ANKRD28: variants seen among roughly 807,000 people sequenced by gnomAD.
ANKRD28 encodes the protein serine/threonine-protein phosphatase 6 regulatory ankyrin repeat subunit A.
Under a neutral mutation model 126.5 loss-of-function variants are expected in ANKRD28, and 44 were observed. That is an observed-to-expected ratio of 0.35 (90% CI 0.27 to 0.45). ANKRD28 has a LOEUF of 0.45. Among genes scored for constraint, ANKRD28 ranks in the 20% least tolerant of loss-of-function variants. The pLI, the probability that ANKRD28 is intolerant of heterozygous loss-of-function variation, is 1.00. For synonymous variants in ANKRD28, 442 were observed against 468.5 expected, an observed-to-expected ratio of 0.94 and a Z score of 0.73; for missense variants, 1,110 against 1,316.6, an observed-to-expected ratio of 0.84 and a Z score of 2.43.
chr3:15,671,072 A>G (rs952867625), intron 27 of ANKRD28, among the ~76,000 whole-genome samples: 1 of 152,268 alleles, frequency 6.6e-6, no homozygotes, highest in Non-Finnish European at 1.5e-5. Context: ...TATGTGTTGA[A>G]TGAATGACAC....
rs1190946661 is a variant in ANKRD28, at chr3:15,816,931, C to T, written c.28-21625G>A. Among the ~76,000 whole-genome samples, 1 of 152,158 alleles carries T rather than the reference C, an allele frequency of 6.6e-6. No individual in the cohort carries two copies. The highest frequency in any genetic ancestry group is 1.5e-5 in the Non-Finnish European group (1 of 68,016). Reference sequence around the variant, plus strand: ...GAGGAGGGAGGTAGCCACAGTGGCTCATGCCTGTAATCCCAGCACTTTGGG... The same window carrying T: ...GAGGAGGGAGGTAGCCACAGTGGCTTATGCCTGTAATCCCAGCACTTTGGG... On this transcript the variant is annotated intron_variant, in intron 1 of 27. Transcript: ENST00000399451. The surrounding 1 kb of genome is among the most constrained non-coding windows in gnomAD (Gnocchi z 5.0).
At chr3:15,783,656 T>C (rs1157303205) in intron 2 of ANKRD28, among the ~76,000 whole-genome samples, 1 of 151,990 alleles carries the variant, frequency 6.6e-6, no homozygotes, top group Non-Finnish European at 1.5e-5. Context: ...TGTATATCAT[T>C]ACAATGGAAT....
In ANKRD28 at chr3:15,670,275, A is replaced by G; in HGVS notation, c.3247T>C (p.Tyr1083His). The G allele has an allele frequency of 6.2e-7, 1 of 1,612,666 alleles. No homozygotes were observed. The change falls in exon 28 of 28, where the codon TAC becomes CAC. Residue 1083 changes from tyrosine to histidine, a missense_variant. Tyr to His is a moderately conservative substitution (Grantham distance 83, BLOSUM62 2). Transcript: ENST00000683139. ...DELNDSDSET[Y>H] ...ACTCCCTCCTCCTCAGCCTCTCAGT[A>G]GGTCTCAGAATCGGAGTCGTTGAGC...
At chr3:15,837,333 C>CTTATTCT (rs1345604232) in intron 1 of ANKRD28, among the ~76,000 whole-genome samples, 1 of 152,094 alleles carries the variant, frequency 6.6e-6, no homozygotes, top group African/African-American at 2.4e-5. Flanking sequence ...CTCTGCCCAA[C>CTTATTCT]AGCAGTATAA....
At chr3:15,682,020 C>T (rs536545984) in intron 21 of ANKRD28, among the ~76,000 whole-genome samples, 1 of 152,118 alleles carries the variant, frequency 6.6e-6, no homozygotes, top group East Asian at 1.9e-4. Flanking sequence ...GACTTAAGAG[C>T]CCCTCATTCT....
Position 15,685,382 on chromosome 3 carries a change from G to A in ANKRD28, c.2233C>T (p.Arg745Trp), listed in dbSNP as rs202220330. Residue 745 changes from arginine (R) to tryptophan (W), a missense_variant, in exon 21 of 28, where the codon CGG becomes TGG. By Grantham distance (101) the Arg-to-Trp change is moderately radical. Coordinates refer to ENST00000683139, the MANE Select transcript of ANKRD28 (RefSeq NM_001349278.2). ...ATAGGCGTCCGGCCCCTGCTATCCCGAAGTAAGCACTTAGCACCATGTTGA... is the reference window on the plus strand; with the variant it reads ...ATAGGCGTCCGGCCCCTGCTATCCCAAAGTAAGCACTTAGCACCATGTTGA... Reference protein sequence around the residue: ...LLQHGAKCLLRDSRGRTPIHL... With the variant: ...LLQHGAKCLLWDSRGRTPIHL... 229 of 1,613,948 alleles carry A rather than the reference G, an allele frequency of 1.4e-4. No homozygotes were observed. Among genetic ancestry groups the A allele is most frequent in the Non-Finnish European group, 1.8e-4 (209 of 1,179,866 alleles).
intron 1 of ANKRD28, among the ~76,000 whole-genome samples, chr3:15,822,428 A>G (rs529046758): frequency 6.6e-6 from 1 of 152,382 alleles, no homozygotes; most frequent in African/African-American, 2.4e-5. Flanking sequence ...AATAGTTTTA[A>G]AAGACTCATT....
chr3:15,679,582 C>G lies in ANKRD28; in HGVS notation c.2390-19G>C. 6.3e-7 allele frequency: 1 copy of G among 1,588,080 alleles called. No individual in the cohort carries two copies. Among genetic ancestry groups the G allele is most frequent in the Non-Finnish European group, 8.6e-7 (1 of 1,163,580 alleles). On this transcript the variant is annotated intron_variant, in intron 21 of 27. Transcript: ENST00000683139. Reference sequence around the variant, plus strand: ...TCGTGACCTAAATAGGTGTAAAGAACCAGGTATTAAAATTCAAAGGAGATA... The same window carrying G: ...TCGTGACCTAAATAGGTGTAAAGAAGCAGGTATTAAAATTCAAAGGAGATA...
intron 7 of ANKRD28, among the ~76,000 whole-genome samples, chr3:15,722,044 C>T (rs917718070): frequency 1.3e-5 from 2 of 152,148 alleles, no homozygotes; most frequent in Non-Finnish European, 2.9e-5. Flanking sequence ...TGTGCCCAGC[C>T]TTGTTTTTCT....
Position 15,685,376 on chromosome 3 carries a change from T to C in ANKRD28, c.2239A>G (p.Ser747Gly). 6.2e-7 allele frequency: 1 copy of C among 1,614,028 alleles called. No individual in the cohort carries two copies. Among genetic ancestry groups the C allele is most frequent in the South Asian group, 1.1e-5 (1 of 91,088 alleles). The change falls in exon 21 of 28, where the codon AGC becomes GGC. Residue 747 changes from serine to glycine, a missense_variant. Transcript: ENST00000683139. ...AGGTGTATAGGCGTCCGGCCCCTGC[T>C]ATCCCGAAGTAAGCACTTAGCACCA... The part of the protein sequence containing the change: ...QHGAKCLLRD[S>G]RGRTPIHLSA...
At chr3:15,728,290 T>C (rs1251265469) in intron 6 of ANKRD28, among the ~76,000 whole-genome samples, 3 of 89,026 alleles carry the variant, frequency 3.4e-5, no homozygotes, top group Non-Finnish European at 8.2e-5. Context: ...TAAACATATT[T>C]TGTAATTAAT....
intron 6 of ANKRD28, among the ~76,000 whole-genome samples, chr3:15,725,430 C>T (rs2074082010): frequency 6.6e-6 from 1 of 152,186 alleles, no homozygotes; most frequent in Non-Finnish European, 1.5e-5. Flanking sequence ...TTAATACCTT[C>T]ATAAATTCTA....
At chr3:15,734,762 T>G (rs1178795132) in intron 6 of ANKRD28, among the ~76,000 whole-genome samples, 3 of 152,204 alleles carry the variant, frequency 2.0e-5, no homozygotes, top group African/African-American at 7.2e-5. Context: ...AAAAATATCC[T>G]GTAATAGGCT....
intron 14 of ANKRD28, among the ~76,000 whole-genome samples, chr3:15,696,726 T>C: frequency 6.6e-6 from 1 of 152,148 alleles, no homozygotes; most frequent in Non-Finnish European, 1.5e-5. Context: ...TCAATGAATC[T>C]GAATTAGAGG....
At chr3:15,709,008 G>A (rs2071857523) in intron 13 of ANKRD28, among the ~76,000 whole-genome samples, 1 of 152,184 alleles carries the variant, frequency 6.6e-6, no homozygotes, top group East Asian at 1.9e-4. Flanking sequence ...TTTCCTGTAT[G>A]GTTCTAATGC....
At chr3:15,837,099 C>CA (rs397963167) in intron 1 of ANKRD28, among the ~76,000 whole-genome samples, 62,022 of 108,178 alleles carry the variant, frequency 0.57, 16,672 homozygotes, top group Middle Eastern at 0.67. Flanking sequence ...GACTCCGTCT[C>CA]AAAAAAAAAA....
At chr3:15,768,883 T>C (rs1300218886) in intron 2 of ANKRD28, among the ~76,000 whole-genome samples, 1 of 152,132 alleles carries the variant, frequency 6.6e-6, no homozygotes, top group East Asian at 1.9e-4. Flanking sequence ...TTCCAACATA[T>C]ACCACCCCAG....
intron 1 of ANKRD28, among the ~76,000 whole-genome samples, chr3:15,851,540 T>G: frequency 6.9e-6 from 1 of 145,158 alleles, no homozygotes; most frequent in Admixed American, 6.9e-5. Flanking sequence ...TGAGACTCTG[T>G]GTCAAAATAA....
At chr3:15,858,395 C>T (rs974539669) in intron 1 of ANKRD28, among the ~76,000 whole-genome samples, 2 of 152,174 alleles carry the variant, frequency 1.3e-5, no homozygotes, top group Non-Finnish European at 2.9e-5. Context: ...AATGAGAATT[C>T]TTGATATTAG....
Sources: gnomAD v4.1 joint callset for allele counts (sites outside exome capture counted in the v4.1 genomes callset) on GRCh38, gnomAD v4.1.1 for gene constraint, Gnocchi (gnomAD v3.1) non-coding constraint, MANE v1.5 for transcripts, NCBI Gene and HGNC (gene_info 2026-07-23, HGNC 2026-07-21) for gene names.